The following KHDRBS2 variants were observed in gnomAD, a reference collection of about 807,000 sequenced individuals.
KHDRBS2 encodes KH RNA binding domain containing, signal transduction associated 2.
A neutral mutation model predicts 44.3 loss-of-function variants in KHDRBS2; 26 were observed. The ratio of observed to expected loss-of-function variants is 0.59; its 90% CI spans 0.43 to 0.81. The LOEUF (loss-of-function observed/expected upper bound fraction) is 0.81. Among genes scored for constraint, KHDRBS2 ranks in the 40% least tolerant of loss-of-function variants. The probability of loss-of-function intolerance (pLI) is 0.00; values close to 1 mark genes in which losing one functional copy is unlikely to be tolerated. For missense variants in KHDRBS2, 476 were observed against 433.1 expected (o/e 1.10, Z -0.88); for synonymous variants, 194 against 151.1 (o/e 1.28, Z -2.08).
chr6:61,695,810 C>G (rs1767840175), intron 8 of KHDRBS2, among the ~76,000 whole-genome samples: 1 of 152,060 alleles, frequency 6.6e-6, no homozygotes, highest in South Asian at 2.1e-4. Flanking sequence ...CAGTTTATGA[C>G]TGGTTTTAAG....
At chr6:61,815,077 T>A (rs537199782) in intron 6 of KHDRBS2, among the ~76,000 whole-genome samples, 1 of 152,212 alleles carries the variant, frequency 6.6e-6, no homozygotes, top group East Asian at 1.9e-4. Context: ...ACATGTTTAG[T>A]ACAGGCACAA....
the KHDRBS2 span, among the ~76,000 whole-genome samples, chr6:61,656,642 A>G: frequency 6.6e-6 from 1 of 152,024 alleles, no homozygotes; most frequent in South Asian, 2.1e-4. Context: ...TTTCTATGGT[A>G]TAAGTAGACA....
intron 6 of KHDRBS2, among the ~76,000 whole-genome samples, chr6:61,835,273 C>T (rs1204631866): frequency 6.6e-6 from 1 of 152,032 alleles, no homozygotes; most frequent in Non-Finnish European, 1.5e-5. Flanking sequence ...CCTTCTCATG[C>T]CTACGTGGCA....
chr6:61,982,399 C>A (rs1328998189), intron 3 of KHDRBS2, among the ~76,000 whole-genome samples: 1 of 151,830 alleles, frequency 6.6e-6, no homozygotes. Context: ...GGGCCGGGCG[C>A]GGTGGCTCAC....
chr6:61,739,502 A>G (rs1470026327), intron 6 of KHDRBS2, among the ~76,000 whole-genome samples: 3 of 151,878 alleles, frequency 2.0e-5, no homozygotes, highest in Non-Finnish European at 4.4e-5. Flanking sequence ...ACACTTTTAA[A>G]TAAATAAAAT....
intron 1 of KHDRBS2, among the ~76,000 whole-genome samples, chr6:62,182,751 C>A (rs1431381848): frequency 1.3e-5 from 2 of 151,698 alleles, no homozygotes; most frequent in South Asian, 2.1e-4. Context: ...CTATATAATT[C>A]TTTTATATTA....
intron 1 of KHDRBS2, among the ~76,000 whole-genome samples, chr6:62,202,093 T>C (rs1304319646): frequency 6.6e-6 from 1 of 152,108 alleles, no homozygotes; most frequent in African/African-American, 2.4e-5. Flanking sequence ...GAAATTGTAA[T>C]TGGGTATAGG....
At chr6:61,562,619 T>A in the KHDRBS2 span, among the ~76,000 whole-genome samples, 2 of 152,262 alleles carry the variant, frequency 1.3e-5, no homozygotes, top group South Asian at 4.1e-4. Context: ...AATGTCTTTC[T>A]TAGGGACCTC....
intron 6 of KHDRBS2, among the ~76,000 whole-genome samples, chr6:61,892,024 C>A (rs1157636855): frequency 1.3e-5 from 2 of 152,158 alleles, no homozygotes; most frequent in Non-Finnish European, 2.9e-5. Flanking sequence ...TCCAAAATCT[C>A]CTTAAGCTAA....
chr6:62,237,603 G>A (rs770067202), intron 1 of KHDRBS2, among the ~76,000 whole-genome samples: 35 of 152,110 alleles, frequency 2.3e-4, no homozygotes, highest in Admixed American at 1.9e-3. Context: ...AAGTATTAGC[G>A]TGAGAAGATT....
At chr6:61,546,736 T>C in the KHDRBS2 span, among the ~76,000 whole-genome samples, 3 of 152,120 alleles carry the variant, frequency 2.0e-5, no homozygotes, top group Non-Finnish European at 4.4e-5. Context: ...GCAAAAATTA[T>C]GAGGAGCACC....
the KHDRBS2 span, among the ~76,000 whole-genome samples, chr6:61,660,276 G>A: frequency 6.6e-6 from 1 of 151,706 alleles, no homozygotes; most frequent in Non-Finnish European, 1.5e-5. Flanking sequence ...GATTCAAGAT[G>A]GTCATAAAGA....
the KHDRBS2 span, among the ~76,000 whole-genome samples, chr6:61,580,372 G>A: frequency 0.62 from 93,611 of 151,834 alleles, 29,060 homozygotes; most frequent in Non-Finnish European, 0.65. Flanking sequence ...TGGACCAATC[G>A]GCACTCTGTA....
chr6:62,266,820 A>G (rs1466029847), intron 1 of KHDRBS2, among the ~76,000 whole-genome samples: 1 of 152,032 alleles, frequency 6.6e-6, no homozygotes, highest in Non-Finnish European at 1.5e-5. Context: ...TCCGAGGATT[A>G]GTAGAGTTTG....
chr6:61,631,488 C>A, the KHDRBS2 span, among the ~76,000 whole-genome samples: 1 of 151,918 alleles, frequency 6.6e-6, no homozygotes, highest in Admixed American at 6.6e-5. Flanking sequence ...TCAAATATGT[C>A]TTTGTGAGTG....
At chr6:62,167,731 A>C (rs1006938053) in intron 2 of KHDRBS2, among the ~76,000 whole-genome samples, 9 of 152,174 alleles carry the variant, frequency 5.9e-5, no homozygotes, top group Admixed American at 6.6e-5. Flanking sequence ...TCTGTGGTAA[A>C]GATAAAACAG....
At chr6:62,057,120 A>G (rs1291987880) in intron 2 of KHDRBS2, among the ~76,000 whole-genome samples, 1 of 151,298 alleles carries the variant, frequency 6.6e-6, no homozygotes, top group South Asian at 2.1e-4. Context: ...TAACTATATA[A>G]AAGTATTTTA....
intron 1 of KHDRBS2, among the ~76,000 whole-genome samples, chr6:62,201,045 T>C (rs1482295857): frequency 1.3e-5 from 2 of 151,994 alleles, no homozygotes; most frequent in African/African-American, 4.8e-5. Flanking sequence ...TGAGAACACA[T>C]GGACACAGGA....
intron 2 of KHDRBS2, among the ~76,000 whole-genome samples, chr6:62,050,295 GT>G (rs1336625672): frequency 1.3e-5 from 2 of 151,988 alleles, no homozygotes; most frequent in Admixed American, 6.6e-5. Flanking sequence ...GCCTGTGGGG[GT>G]AAGGGGAGGG....
Sources: allele counts gnomAD v4.1 joint callset (sites outside exome capture counted in the v4.1 genomes callset), GRCh38; gene constraint gnomAD v4.1.1; transcripts MANE v1.5; gene names NCBI Gene and HGNC (gene_info 2026-07-23, HGNC 2026-07-21).